NIN: variants seen among roughly 807,000 people sequenced by gnomAD.
NIN encodes the protein glycogen synthase kinase 3 beta-interacting protein.
Under a neutral mutation model 257.6 loss-of-function variants are expected in NIN, and 137 were observed. The observed-to-expected ratio is 0.53, with a 90% CI of 0.46 to 0.61. The LOEUF is 0.61. NIN is among the 20% of genes least tolerant of loss of function. NIN has a pLI of 0.00. For synonymous variants in NIN, 918 were observed against 919.8 expected (o/e 1.00, Z 0.04); for missense variants, 2,439 against 2,501.2 (o/e 0.98, Z 0.53).
At position 50,818,180 on chromosome 14, in the gene NIN, G is replaced by A. The variant is rs371534938; in HGVS notation, c.183+3694C>T. 6.5e-4 allele frequency among the ~76,000 whole-genome samples: 99 copies of A among 151,742 alleles called. 1 individual carries two copies. The highest frequency in any genetic ancestry group is 6.8e-3 in the Middle Eastern group (2 of 294). On this transcript the variant is annotated intron_variant, in intron 3 of 30. Transcript: ENST00000530997. ...CTACTGAAAATACAAAAAATTAGCC[G>A]GGTGTGTTGGTGGGCGCCTGTAGTC...
At chr14:50,755,649 T>TCTC (rs774732452) in intron 18 of NIN, among the ~76,000 whole-genome samples, 3 of 6,060 alleles carry the variant, frequency 5.0e-4, no homozygotes, top group Non-Finnish European at 7.5e-4. Flanking sequence ...GTTTTGTCTC[T>TCTC]TTTTTTTTTT....
intron 29 of NIN, among the ~76,000 whole-genome samples, chr14:50,728,288 T>C (rs1189883976): frequency 6.6e-6 from 1 of 152,168 alleles, no homozygotes; most frequent in African/African-American, 2.4e-5. Flanking sequence ...TCTAACACTC[T>C]ACCATCACAA....
intron 4 of NIN, among the ~76,000 whole-genome samples, chr14:50,800,506 CA>C (rs1245818493): frequency 6.6e-6 from 1 of 152,108 alleles, no homozygotes; most frequent in Non-Finnish European, 1.5e-5. Context: ...TATATTTTTT[CA>C]CTACTTTAAA....
At chr14:50,788,245 T>C (rs772258706) in intron 5 of NIN, among the ~76,000 whole-genome samples, 4 of 152,166 alleles carry the variant, frequency 2.6e-5, no homozygotes, top group Non-Finnish European at 4.4e-5. Context: ...AGTGCCAACA[T>C]AGGCTCTCCC....
At chr14:50,778,589 T>C (rs2043008768) in intron 6 of NIN, among the ~76,000 whole-genome samples, 176 bp downstream of exon 6, 1 of 152,236 alleles carries the variant, frequency 6.6e-6, no homozygotes, top group South Asian at 2.1e-4. Flanking sequence ...TCTTGCATGA[T>C]ACTAAATGCT....
At chr14:50,803,903 C>CT (rs201026801) in intron 4 of NIN, among the ~76,000 whole-genome samples, 83,361 of 142,700 alleles carry the variant, frequency 0.58, 25,483 homozygotes, top group South Asian at 0.77. Flanking sequence ...CTTTTTTCTT[C>CT]TTTTTTTTTT....
intron 3 of NIN, among the ~76,000 whole-genome samples, chr14:50,813,127 C>T (rs907675543): frequency 1.3e-5 from 2 of 152,160 alleles, no homozygotes; most frequent in Non-Finnish European, 2.9e-5. Flanking sequence ...AACCCAGAAC[C>T]GAAATGTTGA....
intron 25 of NIN, 110 bp from the exon 26 acceptor site, chr14:50,739,597 C>A: frequency 1.2e-6 from 1 of 853,686 alleles, no homozygotes; most frequent in South Asian, 1.7e-5. Context: ...AAGTACCTTT[C>A]AATTGTCCCC....
At chr14:50,749,828 T>C (rs755343006) in intron 21 of NIN, among the ~76,000 whole-genome samples, 1 of 152,092 alleles carries the variant, frequency 6.6e-6, no homozygotes. Flanking sequence ...TAGCTGGGAC[T>C]ATAGGGGCAT....
At chr14:50,761,458 G>A (rs536566600) in intron 16 of NIN, among the ~76,000 whole-genome samples, 2 of 152,246 alleles carry the variant, frequency 1.3e-5, no homozygotes, top group South Asian at 2.1e-4. Context: ...TAGAGGCCAA[G>A]GTTCAGAACT....
Position 50,756,702 on chromosome 14 carries a change from T to C in NIN, c.4328A>G (p.Lys1443Arg), listed in dbSNP as rs780858059. 6.4e-7 allele frequency: 1 copy of C among 1,551,730 alleles called. No individual in the cohort carries two copies. Among genetic ancestry groups the C allele is most frequent in the South Asian group, 1.2e-5 (1 of 84,082 alleles). Residue 1443 changes from lysine to arginine, a missense_variant, in exon 18 of 31, where the codon AAA becomes AGA. By Grantham distance (26) the Lys-to-Arg change is conservative. Coordinates refer to ENST00000530997, the MANE Select transcript of NIN (RefSeq NM_020921.4). The stretch of plus-strand genomic sequence containing the variant: ...TATGGTGGCCTGATGCTGAAAATGT[T>C]TGTCTTGAAAGCCTAGGAGAGTAGT... Reference protein sequence around the residue: ...ENTTLLGFQDKHFQHQATIAE... With the variant: ...ENTTLLGFQDRHFQHQATIAE...
In NIN at chr14:50,737,495, C is replaced by CAA. The variant is rs58386910; in HGVS notation, c.5775+643_5775+644dup. On this transcript the variant is annotated intron_variant, in intron 27 of 30. Coordinates refer to ENST00000530997, the MANE Select transcript of NIN (RefSeq NM_020921.4). ...AATGTTGTTTTAATTTGTTACATAG[C>CAA]AAAAAAAAAAAAAAAAAAAAAAAAA... Among the ~76,000 whole-genome samples the CAA allele has an allele frequency of 4.8e-3, 260 of 54,350 alleles. 2 individuals are homozygous for CAA. The highest frequency in any genetic ancestry group is 0.013 in the East Asian group (20 of 1,580). 35.7% of individuals were successfully genotyped at this position (54,350 alleles called of 152,430 possible).
rs749874663 is a variant in NIN, at chr14:50,758,631, CTAAA to C, written c.2400-5_2400-2del. On this transcript the variant is annotated splice_acceptor_variant and splice_polypyrimidine_tract_variant and intron_variant, in intron 17 of 30. Transcript: ENST00000530997. LOFTEE classifies it high-confidence loss of function. ...ATTACACTCTGTTTCCATTTTTTCC[CTAAA>C]TATAGTCAACATACAGCATTATTGA... 13 of 1,551,362 alleles carry C rather than the reference CTAAA, an allele frequency of 8.4e-6. No homozygotes were observed. The highest frequency in any genetic ancestry group is 1.7e-4 in the Middle Eastern group (1 of 5,778).
At chr14:50,734,711 T>C (rs1270234131) in intron 28 of NIN, among the ~76,000 whole-genome samples, 1 of 152,104 alleles carries the variant, frequency 6.6e-6, no homozygotes, top group Non-Finnish European at 1.5e-5. Flanking sequence ...ACAGGGTCTC[T>C]CACTGTCTCC....
intron 20 of NIN, among the ~76,000 whole-genome samples, chr14:50,753,860 A>C (rs997485305): frequency 6.6e-6 from 1 of 152,110 alleles, no homozygotes; most frequent in African/African-American, 2.4e-5. Flanking sequence ...ATCACTAATA[A>C]GGCTAACCAT....
At chr14:50,783,802 C>G (rs1049203650) in intron 5 of NIN, among the ~76,000 whole-genome samples, 1 of 152,078 alleles carries the variant, frequency 6.6e-6, no homozygotes, top group East Asian at 1.9e-4. Flanking sequence ...GTTACTGGAA[C>G]GCCACCAGTA....
Position 50,721,585 on chromosome 14 carries a change from A to G in NIN, c.*1878T>C. The G allele has an allele frequency of 4.6e-6, 1 of 217,828 alleles. No individual in the cohort carries two copies. Among genetic ancestry groups the G allele is most frequent in the Non-Finnish European group, 9.3e-6 (1 of 107,942 alleles). 13.5% of individuals were successfully genotyped at this position (217,828 alleles called of 1,614,324 possible). A position where few individuals can be genotyped will look rare whatever the true frequency, so the allele number is the denominator to read the frequency against. Reference sequence around the variant, plus strand: ...ACAATTTTCTGTGAAAGCTAATGCCATACAAGTAGTCAAACACTTACTAGA... The same window carrying G: ...ACAATTTTCTGTGAAAGCTAATGCCGTACAAGTAGTCAAACACTTACTAGA... On this transcript the variant is annotated 3_prime_UTR_variant, in exon 31 of 31. Transcript: ENST00000530997.
intron 2 of NIN, chr14:50,823,308 C>T (rs1343854540): frequency 1.8e-6 from 1 of 564,252 alleles, no homozygotes; most frequent in South Asian, 1.4e-5. Flanking sequence ...CAGCCATCTG[C>T]AACAAGGCTC....
At chr14:50,740,129 A>G (rs1164075570) in intron 25 of NIN, among the ~76,000 whole-genome samples, 3 of 152,166 alleles carry the variant, frequency 2.0e-5, no homozygotes, top group Admixed American at 1.3e-4. Flanking sequence ...AAACATGAAA[A>G]AAAAAAAGGT....
Sources: gnomAD v4.1 joint callset for allele counts (sites outside exome capture counted in the v4.1 genomes callset) on GRCh38, gnomAD v4.1.1 for gene constraint, MANE v1.5 for transcripts, NCBI Gene and HGNC (gene_info 2026-07-23, HGNC 2026-07-21) for gene names.